FRMD5: variants seen among roughly 807,000 people sequenced by gnomAD.
FRMD5 encodes the protein FERM domain-containing protein 5.
In FRMD5, 20 loss-of-function variants were observed where a neutral mutation model predicts 69.0. The observed-to-expected ratio is 0.29, with a 90% confidence interval of 0.20 to 0.42. FRMD5 has a LOEUF of 0.42. Ranked by LOEUF, FRMD5 falls within the 10% of genes least tolerant of loss-of-function variation. FRMD5 has a pLI of 1.00. For synonymous variants in FRMD5, 271 were observed against 260.1 expected, an observed-to-expected ratio of 1.04 and a Z score of -0.40; for missense variants, 595 against 708.6, an observed-to-expected ratio of 0.84 and a Z score of 1.82.
chr15:43,936,686 C>G (rs1566846364), intron 1 of FRMD5, among the ~76,000 whole-genome samples: 2 of 151,176 alleles, frequency 1.3e-5, no homozygotes. Flanking sequence ...TCTAGACATT[C>G]ACTTCAGAAT....
At chr15:44,037,901 A>C (rs1175193031) in intron 1 of FRMD5, among the ~76,000 whole-genome samples, 1 of 152,156 alleles carries the variant, frequency 6.6e-6, no homozygotes, top group East Asian at 1.9e-4. Context: ...CAATGGTTGA[A>C]CTAATTTACA....
chr15:44,104,762 C>T (rs1161326768), intron 1 of FRMD5, among the ~76,000 whole-genome samples: 1 of 152,138 alleles, frequency 6.6e-6, no homozygotes, highest in African/African-American at 2.4e-5. Flanking sequence ...GATGTTCACA[C>T]AACAAAATCA....
intron 1 of FRMD5, among the ~76,000 whole-genome samples, chr15:43,965,298 A>C (rs1247182021): frequency 6.6e-6 from 1 of 152,178 alleles, no homozygotes; most frequent in Non-Finnish European, 1.5e-5. Flanking sequence ...AAACCATCTG[A>C]TGTGCACTAG....
intron 1 of FRMD5, among the ~76,000 whole-genome samples, chr15:44,134,968 A>C (rs1355528484): frequency 6.6e-6 from 1 of 152,202 alleles, no homozygotes; most frequent in East Asian, 1.9e-4. Context: ...AACAAGAAAT[A>C]GGTGGAAAGA....
At chr15:43,980,662 C>G (rs2090534424) in intron 1 of FRMD5, among the ~76,000 whole-genome samples, 1 of 152,088 alleles carries the variant, frequency 6.6e-6, no homozygotes, top group Non-Finnish European at 1.5e-5. Context: ...ATTTAAATAC[C>G]CAAACCACAC....
At chr15:44,183,413 G>A (rs555229764) in intron 1 of FRMD5, among the ~76,000 whole-genome samples, 2 of 152,312 alleles carry the variant, frequency 1.3e-5, no homozygotes, top group East Asian at 3.9e-4. Flanking sequence ...CACTCCACAG[G>A]AAGGTAAAAC....
intron 1 of FRMD5, among the ~76,000 whole-genome samples, chr15:44,059,646 G>T (rs972790446): frequency 6.6e-6 from 1 of 151,988 alleles, no homozygotes; most frequent in Non-Finnish European, 1.5e-5. Flanking sequence ...TCAGTAGCTG[G>T]GACTACAGCC....
At position 43,873,785 on chromosome 15, in the gene FRMD5, G is replaced by A; in HGVS notation, c.*100C>T. 1 of 1,542,708 alleles carries A rather than the reference G, an allele frequency of 6.5e-7. No individual in the cohort carries two copies. The highest frequency in any genetic ancestry group is 8.7e-7 in the Non-Finnish European group (1 of 1,146,714). Reference sequence around the variant, plus strand: ...ACTTTGAGTCATGAGAGGAGGACTTGGTATATGTGCCGATGGTTCCGCGAT... The same window carrying A: ...ACTTTGAGTCATGAGAGGAGGACTTAGTATATGTGCCGATGGTTCCGCGAT... On this transcript the variant is annotated 3_prime_UTR_variant, in exon 14 of 14. Coordinates refer to ENST00000417257, the MANE Select transcript of FRMD5 (RefSeq NM_032892.5).
At chr15:44,164,846 A>G (rs1305482174) in intron 1 of FRMD5, among the ~76,000 whole-genome samples, 1 of 152,188 alleles carries the variant, frequency 6.6e-6, no homozygotes, top group Non-Finnish European at 1.5e-5. Context: ...CACCACCAGT[A>G]TGAAGTGCAC....
At chr15:44,194,661 G>T (rs1053521680) in intron 1 of FRMD5, 1 of 459,202 alleles carries the variant, frequency 2.2e-6, no homozygotes, top group Non-Finnish European at 3.9e-6. Flanking sequence ...TTACTCGGGC[G>T]GGCTCGAGGA....
chr15:43,883,791 G>A lies in FRMD5; in HGVS notation c.1047C>T (p.Ser349=). 2 of 1,613,906 alleles carry A rather than the reference G, an allele frequency of 1.2e-6. No homozygotes were observed. The highest frequency in any genetic ancestry group is 1.7e-6 in the Non-Finnish European group (2 of 1,179,770). ...CATGGGTTATGGAGGGACAGCTCCGGCTGGGAACCATCCCTGCTCTGAGGT... is the reference window on the plus strand; with the variant it reads ...CATGGGTTATGGAGGGACAGCTCCGACTGGGAACCATCCCTGCTCTGAGGT... ...PEIHRAGMVP[S]RSCPSITHGP... The change falls in exon 13 of 14, where the codon AGC becomes AGT. Residue 349 remains serine (S), a synonymous_variant. Transcript: ENST00000417257.
chr15:44,051,991 T>C (rs934545436), intron 1 of FRMD5, among the ~76,000 whole-genome samples: 1 of 152,116 alleles, frequency 6.6e-6, no homozygotes, highest in Non-Finnish European at 1.5e-5. Flanking sequence ...TTTTTTTTTT[T>C]CCTCTTTATG....
intron 7 of FRMD5, among the ~76,000 whole-genome samples, chr15:43,900,892 C>T (rs1486847045): frequency 1.3e-5 from 2 of 152,150 alleles, no homozygotes; most frequent in Non-Finnish European, 2.9e-5. Flanking sequence ...GCTGGGATAA[C>T]AGGTGTGAGC....
intron 7 of FRMD5, among the ~76,000 whole-genome samples, chr15:43,894,323 G>A (rs1425113921): frequency 6.6e-6 from 1 of 152,090 alleles, no homozygotes; most frequent in East Asian, 1.9e-4. Flanking sequence ...AGGACCCGGG[G>A]AAGTCCTACA....
Position 43,873,559 on chromosome 15 carries a change from G to T in FRMD5, c.*326C>A. ...ATAGTAAAATAAATTATTTTTATTT[G>T]ATACTTCAAAATAATATACATCTAT... On this transcript the variant is annotated 3_prime_UTR_variant, in exon 14 of 14. Coordinates refer to ENST00000417257, the MANE Select transcript of FRMD5 (RefSeq NM_032892.5). 7.2e-7 allele frequency: 1 copy of T among 1,386,774 alleles called. No individual in the cohort carries two copies. Among genetic ancestry groups the T allele is most frequent in the South Asian group, 1.4e-5 (1 of 70,842 alleles). 85.9% of individuals were successfully genotyped at this position (1,386,774 alleles called of 1,614,324 possible).
chr15:43,957,605 T>G (rs2090135283), intron 1 of FRMD5, among the ~76,000 whole-genome samples: 2 of 152,270 alleles, frequency 1.3e-5, no homozygotes, highest in African/African-American at 4.8e-5. Flanking sequence ...TGTATTAGCC[T>G]CTCAGAAGGT....
intron 1 of FRMD5, among the ~76,000 whole-genome samples, chr15:43,999,963 T>TATATATATATGCCATGC (rs1890124850): frequency 1.3e-5 from 1 of 75,990 alleles, no homozygotes; most frequent in Non-Finnish European, 2.3e-5. Flanking sequence ...CATATATATA[T>TATATATATATGCCATGC]ATATATATAT....
rs148576975 is a variant in FRMD5 at position 43,916,245 on chromosome 15, G to A, written c.329+3214C>T. On this transcript the variant is annotated intron_variant, in intron 4 of 13. Coordinates refer to ENST00000417257, the MANE Select transcript of FRMD5 (RefSeq NM_032892.5). ...GGCCTGGCCATGGTCCTAATGCTGT[G>A]CTTACCAGGACTTGGATGACTACCT... 1.0e-3 allele frequency among the ~76,000 whole-genome samples: 158 copies of A among 152,340 alleles called. 1 individual carries two copies. Among genetic ancestry groups the A allele is most frequent in the African/African-American group, 3.4e-3 (142 of 41,572 alleles).
At chr15:44,123,660 T>C (rs1245811970) in intron 1 of FRMD5, among the ~76,000 whole-genome samples, 1 of 152,130 alleles carries the variant, frequency 6.6e-6, no homozygotes, top group Admixed American at 6.5e-5. Flanking sequence ...AAAAGTTTCT[T>C]GTCCAAAAAT....
Sources: allele counts gnomAD v4.1 joint callset (sites outside exome capture counted in the v4.1 genomes callset), GRCh38; gene constraint gnomAD v4.1.1; transcripts MANE v1.5; gene names NCBI Gene and HGNC (gene_info 2026-07-23, HGNC 2026-07-21).